The following ESCO1 variants were observed in gnomAD, a reference collection of about 807,000 sequenced individuals.
ESCO1 encodes the protein establishment of sister chromatid cohesion N-acetyltransferase 1.
ESCO1 carries 33 observed loss-of-function variants against 83.5 expected under a neutral mutation model. That is an observed-to-expected ratio of 0.40 (90% confidence interval 0.30 to 0.53). The LOEUF (loss-of-function observed/expected upper bound fraction) is 0.53. ESCO1 is among the 20% of genes least tolerant of loss of function. The pLI is 0.63. For missense variants in ESCO1, 855 were observed against 968.0 expected (o/e 0.88, Z 1.55); for synonymous variants, 332 against 324.3 (o/e 1.02, Z -0.25).
chr18:21,589,640 C>G (rs1212288929), intron 1 of ESCO1, among the ~76,000 whole-genome samples: 1 of 152,122 alleles, frequency 6.6e-6, no homozygotes, highest in Non-Finnish European at 1.5e-5. Context: ...GGTGCAAATT[C>G]AGAAAGCCAT....
At chr18:21,596,046 G>A in intron 1 of ESCO1, among the ~76,000 whole-genome samples, 1 of 151,028 alleles carries the variant, frequency 6.6e-6, no homozygotes, top group African/African-American at 2.4e-5. Context: ...ACTATTTATG[G>A]GGGATAAAAG....
intron 8 of ESCO1, among the ~76,000 whole-genome samples, chr18:21,547,353 GAAAA>G (rs34904471): frequency 7.3e-6 from 1 of 136,586 alleles, no homozygotes; most frequent in African/African-American, 2.7e-5. Context: ...TTACAGATTT[GAAAA>G]AAAAAAAAAA....
chr18:21,540,793 A>G (rs1038883708), intron 8 of ESCO1: 16 of 1,067,434 alleles, frequency 1.5e-5, no homozygotes, highest in Admixed American at 4.1e-5. Context: ...GAAGTTCAAA[A>G]TAAGTACAGA....
intron 1 of ESCO1, among the ~76,000 whole-genome samples, chr18:21,586,801 G>A (rs1489488879): frequency 1.3e-5 from 2 of 152,082 alleles, no homozygotes; most frequent in African/African-American, 2.4e-5. Flanking sequence ...TTCCACTGTT[G>A]AAAGAAGTGG....
intron 4 of ESCO1, 122 bp from the exon 5 acceptor site, chr18:21,568,216 C>T (rs1038961383): frequency 4.5e-6 from 3 of 666,912 alleles, no homozygotes; most frequent in Non-Finnish European, 7.7e-6. Context: ...TTAATACAGA[C>T]ATGAAGTCTC....
At chr18:21,585,140 CA>C (rs34965491) in intron 1 of ESCO1, among the ~76,000 whole-genome samples, 106,318 of 113,600 alleles carry the variant, frequency 0.94, 49,749 homozygotes, top group South Asian at 0.98. Context: ...GACTCCATCT[CA>C]AAAAAAAAAA....
At position 21,540,291 on chromosome 18, in the gene ESCO1, AT is replaced by A. The variant is rs1251949207; in HGVS notation, c.1954-283del. ...ATTTATCATTTCCCGTTTTAAATTA[AT>A]TTTGAAAGCCACACACCAAAAGCAA... On this transcript the variant is annotated intron_variant, in intron 8 of 11. Transcript: ENST00000269214. Among the ~76,000 whole-genome samples the A allele has an allele frequency of 2.0e-5, 3 of 152,326 alleles. No homozygotes were observed. The East Asian group carries it at 5.8e-4, about 29-fold the overall frequency.
chr18:21,564,413 CG>C, intron 6 of ESCO1, 96 bp from the exon 7 acceptor site: 1 of 833,866 alleles, frequency 1.2e-6, no homozygotes. Flanking sequence ...TTTTTTGAGA[CG>C]AAGTCTCACT....
At chr18:21,591,122 T>C (rs539131844) in intron 1 of ESCO1, among the ~76,000 whole-genome samples, 1 of 152,278 alleles carries the variant, frequency 6.6e-6, no homozygotes, top group South Asian at 2.1e-4. Context: ...CATAATCAAA[T>C]TAAGGATCTT....
chr18:21,559,690 T>C (rs891647803), intron 8 of ESCO1, among the ~76,000 whole-genome samples: 1 of 152,214 alleles, frequency 6.6e-6, no homozygotes, highest in African/African-American at 2.4e-5. Flanking sequence ...GAGAACTATT[T>C]TTCTTTTCAC....
At chr18:21,562,893 T>G (rs1312476146) in intron 7 of ESCO1, among the ~76,000 whole-genome samples, 3 of 151,496 alleles carry the variant, frequency 2.0e-5, no homozygotes, top group Middle Eastern at 3.2e-3. Flanking sequence ...TTTTTTGAGA[T>G]GGAGTATCGC....
intron 2 of ESCO1, among the ~76,000 whole-genome samples, chr18:21,579,889 T>G (rs2146217967): frequency 6.6e-6 from 1 of 151,082 alleles, no homozygotes; most frequent in East Asian, 2.0e-4. Context: ...TGAAAAAAAT[T>G]ATCTATTTTT....
intron 6 of ESCO1, among the ~76,000 whole-genome samples, chr18:21,565,374 A>G (rs943846662): frequency 5.9e-5 from 9 of 152,224 alleles, no homozygotes; most frequent in African/African-American, 2.2e-4. Context: ...ACATGTTGCT[A>G]ATACCTAGTA....
chr18:21,600,045 C>A (rs955363083), intron 1 of ESCO1, among the ~76,000 whole-genome samples: 2 of 152,204 alleles, frequency 1.3e-5, no homozygotes, highest in African/African-American at 4.8e-5. Flanking sequence ...ACCTTGGGCC[C>A]GCTCCCCTCC....
intron 1 of ESCO1, among the ~76,000 whole-genome samples, chr18:21,596,097 A>G (rs2038763076): frequency 2.0e-5 from 3 of 152,010 alleles, no homozygotes; most frequent in Admixed American, 2.0e-4. Context: ...CATAATAGAA[A>G]CCTTTCCTGG....
In ESCO1 at chr18:21,573,552, T is replaced by C; in HGVS notation, c.1292A>G (p.His431Arg). ...SFSPPALEMHHPVTQSTFLGT... is the reference protein window; with the variant it reads ...SFSPPALEMHRPVTQSTFLGT... ...TAAAAACGTACTTTGAGTCACTGGA[T>C]GATGCATTTCTAAAGCTGGTGGTGA... The change falls in exon 4 of 12, where the codon CAT (histidine) becomes CGT (arginine). Residue 431 changes from histidine (H) to arginine (R), a missense_variant. Around this residue, in one of 2 missense-constraint regions of ESCO1, gnomAD observed 726 missense variants for 699.5 expected, o/e 1.04. Coordinates refer to ENST00000269214, the MANE Select transcript of ESCO1 (RefSeq NM_052911.3). 1 of 1,614,152 alleles carries C rather than the reference T, an allele frequency of 6.2e-7. No homozygotes were observed. The highest frequency in any genetic ancestry group is 8.5e-7 in the Non-Finnish European group (1 of 1,180,030).
At chr18:21,548,409 C>A (rs1263501819) in intron 8 of ESCO1, among the ~76,000 whole-genome samples, 1 of 151,720 alleles carries the variant, frequency 6.6e-6, no homozygotes, top group Admixed American at 6.6e-5. Flanking sequence ...GCAAGAGGAT[C>A]GCTTGAGCCT....
At chr18:21,599,509 T>TG in intron 1 of ESCO1, among the ~76,000 whole-genome samples, 1 of 152,128 alleles carries the variant, frequency 6.6e-6, no homozygotes, top group East Asian at 1.9e-4. Context: ...CCAATGCTGG[T>TG]GGGGGGACTA....
intron 8 of ESCO1, among the ~76,000 whole-genome samples, chr18:21,543,141 G>C (rs2037927824): frequency 6.6e-6 from 1 of 152,080 alleles, no homozygotes; most frequent in Admixed American, 6.6e-5. Context: ...CTAACAGCAA[G>C]AAATTATTAT....
Sources: gnomAD v4.1 joint callset for allele counts (sites outside exome capture counted in the v4.1 genomes callset) on GRCh38, gnomAD v4.1.1 for gene constraint, gnomAD v4.1.1 regional missense constraint, MANE v1.5 for transcripts, NCBI Gene and HGNC (gene_info 2026-07-23, HGNC 2026-07-21) for gene names.